Variants in TPPP observed in about 807,000 individuals in gnomAD.
The protein encoded by TPPP is tubulin polymerization-promoting protein.
In TPPP, 6 loss-of-function variants were observed where a neutral mutation model predicts 15.5. The ratio of observed to expected loss-of-function variants is 0.39; its 90% confidence interval spans 0.21 to 0.77. TPPP has a LOEUF of 0.77. Ranked by LOEUF, TPPP falls within the 30% of genes least tolerant of loss-of-function variation. The pLI, the probability that TPPP is intolerant of heterozygous loss-of-function variation, is 0.42. For synonymous variants in TPPP, 146 were observed against 133.9 expected (o/e 1.09, Z -0.63); for missense variants, 269 against 307.2 (o/e 0.88, Z 0.93).
chr5:686,153 G>A (rs150152308), intron 1 of TPPP, among the ~76,000 whole-genome samples: 230 of 152,298 alleles, frequency 1.5e-3, no homozygotes, highest in South Asian at 8.7e-3. Flanking sequence ...CACGACACAG[G>A]ACATTCCACC....
At chr5:683,694 C>A (rs369417105) in intron 1 of TPPP, among the ~76,000 whole-genome samples, 7 of 152,362 alleles carry the variant, frequency 4.6e-5, no homozygotes, top group African/African-American at 1.7e-4. Context: ...GTGAAGGGCA[C>A]GCTGTGTTGC....
At chr5:675,861 C>T (rs1316639716) in intron 2 of TPPP, 1 of 152,170 alleles carries the variant, frequency 6.6e-6, no homozygotes, top group Non-Finnish European at 1.5e-5. Flanking sequence ...AGGGGCCAGC[C>T]ACAGCCTCCT....
At chr5:676,940 G>A (rs1219838493) in intron 2 of TPPP, among the ~76,000 whole-genome samples, 2 of 148,146 alleles carry the variant, frequency 1.4e-5, no homozygotes, top group African/African-American at 2.5e-5. Flanking sequence ...GCGCGCACAC[G>A]ACGCAGAAAC....
intron 1 of TPPP, 50 bp from the exon 2 acceptor site, chr5:678,114 G>T (rs1429282380): frequency 7.6e-6 from 11 of 1,449,056 alleles, no homozygotes; most frequent in Middle Eastern, 2.6e-4. Context: ...TGTCCCAGCT[G>T]AGCCGGGTGC....
At chr5:697,669 C>A (rs183527001), upstream of TPPP, among the ~76,000 whole-genome samples, 285 of 152,092 alleles carry the variant, frequency 1.9e-3, no homozygotes, top group Middle Eastern at 3.4e-3. Flanking sequence ...AACTGTTTTC[C>A]CCACTGCCAG....
chr5:683,180 T>C (rs1328360628), intron 1 of TPPP, among the ~76,000 whole-genome samples: 1 of 152,208 alleles, frequency 6.6e-6, no homozygotes, highest in Non-Finnish European at 1.5e-5. Context: ...GGACAGCTGC[T>C]TGTGCCTCAG....
chr5:685,230 C>G (rs1342650095), intron 1 of TPPP, among the ~76,000 whole-genome samples: 2 of 152,230 alleles, frequency 1.3e-5, no homozygotes, highest in Admixed American at 6.5e-5. Context: ...GGCTGAGGCT[C>G]TGCCCCATAG....
rs1156856425 is a variant in TPPP, at chr5:665,093, G to C, written c.*9C>G. On this transcript the variant is annotated 3_prime_UTR_variant, in exon 4 of 4. Coordinates refer to ENST00000360578, the MANE Select transcript of TPPP (RefSeq NM_007030.3). ...GACACCGGCAGTGCCGCGAGGCATGGAGCGGGGGCTACTTGCCCCCTTGCA... is the reference window on the plus strand; with the variant it reads ...GACACCGGCAGTGCCGCGAGGCATGCAGCGGGGGCTACTTGCCCCCTTGCA... 1.2e-6 allele frequency: 2 copies of C among 1,607,120 alleles called. No individual in the cohort carries two copies. The highest frequency in any genetic ancestry group is 2.7e-5 in the African/African-American group (2 of 74,900).
At chr5:681,362 C>T (rs189720051) in intron 1 of TPPP, among the ~76,000 whole-genome samples, 9 of 152,224 alleles carry the variant, frequency 5.9e-5, no homozygotes, top group South Asian at 2.1e-4. Context: ...CATCTCCACG[C>T]GTGTGCCCTG....
Position 663,948 on chromosome 5 carries a change from G to A in TPPP, c.*1154C>T. Reference sequence around the variant, plus strand: ...CAGGAGCGCCGGCTTCTCCCCAGGTGCAGACAGGCAAGGGCGGGCCGCCTG... The same window carrying A: ...CAGGAGCGCCGGCTTCTCCCCAGGTACAGACAGGCAAGGGCGGGCCGCCTG... On this transcript the variant is annotated 3_prime_UTR_variant, in exon 4 of 4. Coordinates refer to ENST00000360578, the MANE Select transcript of TPPP (RefSeq NM_007030.3). 1 of 152,786 alleles carries A rather than the reference G, an allele frequency of 6.5e-6. No homozygotes were observed. 9.5% of individuals were successfully genotyped at this position (152,786 alleles called of 1,614,324 possible).
At chr5:674,683 C>T (rs1269009149) in intron 2 of TPPP, among the ~76,000 whole-genome samples, 1 of 152,060 alleles carries the variant, frequency 6.6e-6, no homozygotes, top group East Asian at 1.9e-4. Context: ...GCCATCTACA[C>T]AGGCCCACAC....
chr5:668,559 C>T (rs1191201070), intron 2 of TPPP, among the ~76,000 whole-genome samples: 1 of 152,232 alleles, frequency 6.6e-6, no homozygotes, highest in Non-Finnish European at 1.5e-5. Flanking sequence ...AAATAAACTG[C>T]CGGCACCTCG....
At chr5:696,617 G>A (rs1364002024), upstream of TPPP, among the ~76,000 whole-genome samples, 7 of 118,934 alleles carry the variant, frequency 5.9e-5, no homozygotes, top group East Asian at 2.1e-4. Flanking sequence ...AAGTAACGAC[G>A]TGCCTGCCTG....
chr5:684,214 C>G (rs1740705636), intron 1 of TPPP, among the ~76,000 whole-genome samples: 2 of 152,258 alleles, frequency 1.3e-5, no homozygotes, highest in Admixed American at 1.3e-4. Context: ...CCATCATGAC[C>G]TGGCCCCAGG....
upstream of TPPP, chr5:693,389 A>ATCGCCCAGCC (rs1740948385): frequency 8.7e-6 from 1 of 115,032 alleles, no homozygotes; most frequent in Admixed American, 8.4e-5. Flanking sequence ...CCCGCCCAGC[A>ATCGCCCAGCC]CCGCCCAGCC....
rs548965647 is a variant in TPPP at position 667,833 on chromosome 5, C to T, written c.312-1710G>A. On this transcript the variant is annotated intron_variant, in intron 2 of 3. Coordinates refer to ENST00000360578, the MANE Select transcript of TPPP (RefSeq NM_007030.3). ...CATCAGGGAAGTACAGACAAGCACACGGAGAGGGGTCCGCGTGGGCGCCGT... is the reference window on the plus strand; with the variant it reads ...CATCAGGGAAGTACAGACAAGCACATGGAGAGGGGTCCGCGTGGGCGCCGT... Among the ~76,000 whole-genome samples the T allele has an allele frequency of 4.0e-5, 6 of 148,718 alleles. No individual in the cohort carries two copies. The South Asian group carries it at 8.6e-4, about 21-fold the overall frequency.
chr5:665,997 G>A lies in TPPP; in HGVS notation c.438C>T (p.Gly146=). The A allele has an allele frequency of 6.3e-7, 1 of 1,583,862 alleles. No homozygotes were observed. Among genetic ancestry groups the A allele is most frequent in the Non-Finnish European group, 8.5e-7 (1 of 1,169,794 alleles). The change falls in exon 3 of 4, where the codon GGC becomes GGT. Residue 146 remains glycine (G), a synonymous_variant. Coordinates refer to ENST00000360578, the MANE Select transcript of TPPP (RefSeq NM_007030.3). ...AVREVHRLIE[G]KAPIISGVTK... Reference sequence around the variant, plus strand: ...TCACCCCTGAGATGATGGGCGCCTTGCCCTCGATGAGCCTGTGCACCTCGC... The same window carrying A: ...TCACCCCTGAGATGATGGGCGCCTTACCCTCGATGAGCCTGTGCACCTCGC...
chr5:686,288 A>T (rs945958105), intron 1 of TPPP, among the ~76,000 whole-genome samples: 4 of 152,354 alleles, frequency 2.6e-5, no homozygotes, highest in Non-Finnish European at 2.9e-5. Context: ...TTCTGTGGGG[A>T]CAGCAAGGAC....
chr5:678,560 G>T (rs1404094240), intron 1 of TPPP, among the ~76,000 whole-genome samples: 1 of 138,966 alleles, frequency 7.2e-6, no homozygotes, highest in Non-Finnish European at 1.5e-5. Context: ...AGGGTCCACA[G>T]CAGTCGTGCG....
Sources: allele counts gnomAD v4.1 joint callset (sites outside exome capture counted in the v4.1 genomes callset), GRCh38; gene constraint gnomAD v4.1.1; transcripts MANE v1.5; gene names NCBI Gene and HGNC (gene_info 2026-07-23, HGNC 2026-07-21).